The following RSPH14 variants were observed in gnomAD, a reference collection of about 807,000 sequenced individuals.
The protein encoded by RSPH14 is radial spoke head 14 homolog.
Under a neutral mutation model 26.7 loss-of-function variants are expected in RSPH14, and 20 were observed. The observed-to-expected ratio is 0.75, with a 90% CI of 0.53 to 1.09. The LOEUF (loss-of-function observed/expected upper bound fraction) is 1.09. RSPH14 is among the 50% of genes least tolerant of loss of function. The pLI is 0.00. For missense variants in RSPH14, 449 were observed against 457.2 expected, an observed-to-expected ratio of 0.98 and a Z score of 0.16; for synonymous variants, 177 against 189.3, an observed-to-expected ratio of 0.93 and a Z score of 0.53.
intron 4 of RSPH14, among the ~76,000 whole-genome samples, chr22:23,121,127 C>T (rs1405403225): frequency 1.3e-5 from 2 of 152,222 alleles, no homozygotes; most frequent in African/African-American, 4.8e-5. Context: ...CTCCTCTCTG[C>T]TCTGCTGGGG....
the RSPH14 span, chr22:23,161,421 T>A: frequency 7.8e-7 from 1 of 1,274,850 alleles, no homozygotes; most frequent in Non-Finnish European, 1.1e-6. Context: ...CAGCTCTGAC[T>A]GTCAGGGCCG....
the RSPH14 span, chr22:23,161,713 C>A: frequency 2.9e-6 from 2 of 681,456 alleles, no homozygotes; most frequent in Non-Finnish European, 4.9e-6. Context: ...ACCCACCGGG[C>A]TCAGCTCCAG....
chr22:23,156,106 C>T, the RSPH14 span: 1 of 1,280,072 alleles, frequency 7.8e-7, no homozygotes, highest in African/African-American at 1.5e-5. Context: ...AGTGGGAATC[C>T]CGAGTTCTCT....
At chr22:23,161,422 G>C in the RSPH14 span, 3 of 1,290,520 alleles carry the variant, frequency 2.3e-6, no homozygotes, top group Non-Finnish European at 3.3e-6. Context: ...AGCTCTGACT[G>C]TCAGGGCCGG....
the RSPH14 span, chr22:23,162,973 G>A: frequency 9.8e-4 from 325 of 331,786 alleles, 3 homozygotes; most frequent in African/African-American, 6.8e-3. Context: ...GTGCAATGGC[G>A]TAATCTCGGC....
intron 4 of RSPH14, among the ~76,000 whole-genome samples, chr22:23,103,737 A>C (rs1231937164): frequency 6.6e-6 from 1 of 152,220 alleles, no homozygotes; most frequent in East Asian, 1.9e-4. Flanking sequence ...TTGTTCACCC[A>C]GTATGTGTGG....
chr22:23,083,096 T>G (rs1005922435), intron 4 of RSPH14, among the ~76,000 whole-genome samples: 1 of 151,948 alleles, frequency 6.6e-6, no homozygotes, highest in Admixed American at 6.6e-5. Flanking sequence ...AAGAGGACTC[T>G]CCACACAGAC....
chr22:23,136,140 C>T, intron 3 of RSPH14: 1 of 648,374 alleles, frequency 1.5e-6, no homozygotes, highest in East Asian at 2.8e-5. Context: ...CTCCATGTCT[C>T]TCATGCTTTG....
intron 4 of RSPH14, among the ~76,000 whole-genome samples, chr22:23,121,675 T>G (rs2070027817): frequency 6.6e-6 from 1 of 152,020 alleles, no homozygotes; most frequent in East Asian, 1.9e-4. Context: ...AGTTACCACT[T>G]GCATTACCAC....
chr22:23,069,558 C>T (rs776343819), intron 4 of RSPH14, among the ~76,000 whole-genome samples: 2 of 152,178 alleles, frequency 1.3e-5, no homozygotes, highest in Non-Finnish European at 2.9e-5. Flanking sequence ...CCAAAAGCGC[C>T]AATCAGTGGC....
At chr22:23,166,370 G>A in the RSPH14 span, among the ~76,000 whole-genome samples, 2 of 145,702 alleles carry the variant, frequency 1.4e-5, no homozygotes, top group African/African-American at 5.1e-5. Flanking sequence ...GGGGGGGTGG[G>A]GTGCAATATA....
intron 6 of RSPH14, among the ~76,000 whole-genome samples, chr22:23,060,831 A>T (rs1294993421): frequency 6.6e-6 from 1 of 152,162 alleles, no homozygotes; most frequent in African/African-American, 2.4e-5. Context: ...CCTCAGCTGG[A>T]GTGCCAGCTT....
At chr22:23,157,080 C>T in the RSPH14 span, among the ~76,000 whole-genome samples, 1 of 152,186 alleles carries the variant, frequency 6.6e-6, no homozygotes, top group South Asian at 2.1e-4. Flanking sequence ...CCCCTCAGGA[C>T]CCCAACAGGA....
chr22:23,087,437 A>G (rs1489395496), intron 4 of RSPH14, among the ~76,000 whole-genome samples: 1 of 152,158 alleles, frequency 6.6e-6, no homozygotes, highest in East Asian at 1.9e-4. Flanking sequence ...CAGCTGGGTG[A>G]CAGTTAAAAT....
chr22:23,175,864 A>G, the RSPH14 span, among the ~76,000 whole-genome samples: 1 of 152,226 alleles, frequency 6.6e-6, no homozygotes, highest in Admixed American at 6.5e-5. Context: ...AGGGAACAGC[A>G]GCTATCAGCA....
chr22:23,176,920 C>T, the RSPH14 span, among the ~76,000 whole-genome samples: 5 of 152,256 alleles, frequency 3.3e-5, no homozygotes, highest in African/African-American at 1.2e-4. Context: ...GCCCCAGCCA[C>T]GTTTCAGATG....
intron 4 of RSPH14, among the ~76,000 whole-genome samples, chr22:23,085,313 A>G (rs2068787967): frequency 6.6e-6 from 1 of 152,164 alleles, no homozygotes; most frequent in Non-Finnish European, 1.5e-5. Context: ...CAGCGAGAAT[A>G]CAAGCTCCTT....
intron 4 of RSPH14, among the ~76,000 whole-genome samples, chr22:23,094,461 C>T (rs1423592792): frequency 6.6e-6 from 1 of 152,176 alleles, no homozygotes; most frequent in Admixed American, 6.5e-5. Flanking sequence ...CCTGCCTTGC[C>T]CTGGCCTCGG....
In RSPH14 at chr22:23,122,759, G is replaced by T. The variant is rs540990400; in HGVS notation, c.421+11267C>A. On this transcript the variant is annotated intron_variant, in intron 4 of 6. Coordinates refer to ENST00000216036, the MANE Select transcript of RSPH14 (RefSeq NM_014433.3). ...AGATGGGGGGTCCTCGGAGCTGGAG[G>T]TGCCCAGCGGTTTAGGAGGCTGTGC... 1.5e-5 allele frequency: 5 copies of T among 341,898 alleles called. No homozygotes were observed. In the East Asian group the frequency reaches 2.5e-4, roughly 17 times the overall value. The allele number at this position is 341,898 out of a possible 1,614,324, so 21.2% of individuals were successfully genotyped here.
Sources: gnomAD v4.1 joint callset for allele counts (sites outside exome capture counted in the v4.1 genomes callset) on GRCh38, gnomAD v4.1.1 for gene constraint, MANE v1.5 for transcripts, NCBI Gene and HGNC (gene_info 2026-07-23, HGNC 2026-07-21) for gene names.